Variants in USP14 observed in about 807,000 individuals in gnomAD.
USP14 encodes ubiquitin specific peptidase 14.
A neutral mutation model predicts 76.5 loss-of-function variants in USP14; 38 were observed. The observed-to-expected ratio is 0.50, with a 90% CI of 0.38 to 0.65. USP14 has a LOEUF of 0.65. Ranked by LOEUF, USP14 falls within the 30% of genes least tolerant of loss-of-function variation. The pLI is 0.00. For missense variants in USP14, 467 were observed against 586.5 expected, an observed-to-expected ratio of 0.80 and a Z score of 2.10; for synonymous variants, 192 against 191.7, an observed-to-expected ratio of 1.00 and a Z score of -0.01.
intron 3 of USP14, among the ~76,000 whole-genome samples, chr18:171,020 AAAAAAATATATATAT>A (rs1193502783): frequency 5.1e-4 from 47 of 91,438 alleles, no homozygotes; most frequent in African/African-American, 2.2e-3. Flanking sequence ...AAAAAAAAAA[AAAAAAATATATATAT>A]ATATATATAT....
At chr18:193,038 A>T (rs1910134085) in intron 6 of USP14, 138 bp downstream of exon 6, 1 of 493,830 alleles carries the variant, frequency 2.0e-6, no homozygotes, top group Non-Finnish European at 3.5e-6. Context: ...CTTAAGTTAA[A>T]CAACTTGGTA....
intron 7 of USP14, among the ~76,000 whole-genome samples, chr18:197,128 C>G (rs1910259105): frequency 6.6e-6 from 1 of 152,208 alleles, no homozygotes; most frequent in Admixed American, 6.5e-5. Flanking sequence ...TCCAGCTGCA[C>G]AGGCTTCCTT....
In USP14 at chr18:214,445, C is replaced by T. The variant is rs958315459; in HGVS notation, c.*3161C>T. ...CACTTCGTTTAGGTCATTATCTCAACCCAACCTCCCCAAACTCTGGTTTGA... is the reference window on the plus strand; with the variant it reads ...CACTTCGTTTAGGTCATTATCTCAATCCAACCTCCCCAAACTCTGGTTTGA... On this transcript the variant is annotated 3_prime_UTR_variant, in exon 16 of 16. Transcript: ENST00000261601. 3.5e-6 allele frequency: 2 copies of T among 569,830 alleles called. No individual in the cohort carries two copies. The highest frequency in any genetic ancestry group is 4.7e-4 in the Middle Eastern group (1 of 2,124). The allele number at this position is 569,830 out of a possible 1,614,324, so 35.3% of individuals were successfully genotyped here. A position where few individuals can be genotyped will look rare whatever the true frequency, so the allele number is the denominator to read the frequency against.
chr18:171,025 A>AAAAAAAATATATATATATATATATAT (rs1327304974), intron 3 of USP14, among the ~76,000 whole-genome samples: 1 of 47,682 alleles, frequency 2.1e-5, no homozygotes, highest in African/African-American at 8.7e-5. Flanking sequence ...AAAAAAAAAA[A>AAAAAAAATATATATATATATATATAT]ATATATATAT....
rs1339424264 is a variant in USP14, at chr18:212,167, ATATT to A, written c.*885_*888del. On this transcript the variant is annotated 3_prime_UTR_variant, in exon 16 of 16. Coordinates refer to ENST00000261601, the MANE Select transcript of USP14 (RefSeq NM_005151.4). ...TGTGCTGTTAAGCATCCATTTAAAA[ATATT>A]TGTTATCTTCTTTGCCTGCCTGTAT... 3 of 146,282 alleles carry A rather than the reference ATATT, an allele frequency of 2.1e-5. No individual in the cohort carries two copies. Among genetic ancestry groups the A allele is most frequent in the Admixed American group, 2.0e-4 (3 of 14,836 alleles). The allele number at this position is 146,282 out of a possible 1,614,324, so 9.1% of individuals were successfully genotyped here.
In USP14 at chr18:211,339, T is replaced by C; in HGVS notation, c.*55T>C. On this transcript the variant is annotated 3_prime_UTR_variant, in exon 16 of 16. Coordinates refer to ENST00000261601, the MANE Select transcript of USP14 (RefSeq NM_005151.4). ...GAAAATAAATGTTATTTGTTGATCA[T>C]TTCTATAATCCAGAGCTTTAGAGGA... 6.4e-7 allele frequency: 1 copy of C among 1,551,298 alleles called. No individual in the cohort carries two copies. The highest frequency in any genetic ancestry group is 8.8e-7 in the Non-Finnish European group (1 of 1,141,702).
intron 2 of USP14, among the ~76,000 whole-genome samples, chr18:165,876 G>A (rs1460093218): frequency 1.3e-5 from 2 of 151,892 alleles, no homozygotes; most frequent in Non-Finnish European, 2.9e-5. Context: ...ACCAATGAAG[G>A]GTAGACAAGC....
In USP14 at chr18:178,941, T is replaced by G; in HGVS notation, c.204T>G (p.Thr68=). 3.1e-6 allele frequency: 5 copies of G among 1,609,830 alleles called. No homozygotes were observed. The highest frequency in any genetic ancestry group is 4.2e-6 in the Non-Finnish European group (5 of 1,178,498). ...WGNIKIKNGM[T]LLMMGSADAL... is the part of the protein sequence containing the mutation. ...ACTTTTTTTAAAAACAGGGAATGAC[T>G]CTACTAATGATGGGGTCAGCAGATG... Residue 68 remains threonine, a synonymous_variant, in exon 4 of 16, where the codon ACT becomes ACG. Transcript: ENST00000261601.
intron 6 of USP14, 98 bp downstream of exon 6, chr18:192,998 C>A: frequency 1.0e-6 from 1 of 960,952 alleles, no homozygotes; most frequent in Non-Finnish European, 1.6e-6. Context: ...TGTAAAACAT[C>A]ACCTCATTAA....
At position 204,558 on chromosome 18, in the gene USP14, A is replaced by T. The variant is rs776074529; in HGVS notation, c.1036-6A>T. 1.9e-6 allele frequency: 3 copies of T among 1,588,830 alleles called. No homozygotes were observed. The highest frequency in any genetic ancestry group is 1.8e-5 in the Admixed American group (1 of 54,492). ...TTACACATGTTTTTTGTTTGTTTGTATATAGGATGTTAAATTTCCTCTTAT... is the reference window on the plus strand; with the variant it reads ...TTACACATGTTTTTTGTTTGTTTGTTTATAGGATGTTAAATTTCCTCTTAT... On this transcript the variant is annotated splice_region_variant and splice_polypyrimidine_tract_variant and intron_variant, in intron 12 of 15. Coordinates refer to ENST00000261601, the MANE Select transcript of USP14 (RefSeq NM_005151.4).
chr18:190,296 T>C (rs561309602), intron 5 of USP14, among the ~76,000 whole-genome samples: 1 of 152,334 alleles, frequency 6.6e-6, no homozygotes, highest in South Asian at 2.1e-4. Context: ...GTTGGGTATA[T>C]ATGAGTATGT....
At chr18:161,985 A>T (rs1183040049) in intron 1 of USP14, among the ~76,000 whole-genome samples, 1 of 152,176 alleles carries the variant, frequency 6.6e-6, no homozygotes, top group Non-Finnish European at 1.5e-5. Flanking sequence ...TCTTGCAAAC[A>T]CCATTCTCTT....
At chr18:191,562 G>C (rs906611506) in intron 5 of USP14, among the ~76,000 whole-genome samples, 4 of 152,144 alleles carry the variant, frequency 2.6e-5, no homozygotes, top group African/African-American at 9.7e-5. Context: ...TCTTGGGCAT[G>C]CCTTTTCTCA....
Position 177,332 on chromosome 18 carries a change from G to A in USP14, c.196-1601G>A, listed in dbSNP as rs781781535. Among the ~76,000 whole-genome samples the A allele has an allele frequency of 1.1e-4, 17 of 151,614 alleles. 1 individual carries two copies. The South Asian group carries it at 1.5e-3, about 13-fold the overall frequency. On this transcript the variant is annotated intron_variant, in intron 3 of 15. Transcript: ENST00000261601. ...AGCACTTTGGGAGGCTGAGATGGGG[G>A]GATCACTTGAGGCCAGAAGTGTGAG...
At chr18:177,629 C>T in intron 3 of USP14, among the ~76,000 whole-genome samples, 1 of 126,770 alleles carries the variant, frequency 7.9e-6, no homozygotes, top group African/African-American at 2.6e-5. Context: ...ATTTTTCCCT[C>T]CCTGTTTTTT....
At chr18:210,090 T>A (rs1412773446) in intron 14 of USP14, 59 bp downstream of exon 14, 1 of 1,316,480 alleles carries the variant, frequency 7.6e-7, no homozygotes, top group East Asian at 2.3e-5. Flanking sequence ...AAGGTAAAAT[T>A]TACATCTTAC....
intron 5 of USP14, among the ~76,000 whole-genome samples, chr18:184,277 A>C (rs974328726): frequency 3.3e-5 from 5 of 152,226 alleles, no homozygotes; most frequent in African/African-American, 1.2e-4. Flanking sequence ...GAGTGCACTT[A>C]CTAACGTAAT....
At position 169,360 on chromosome 18, in the gene USP14, C is replaced by CAAAA. The variant is rs11336218; in HGVS notation, c.195+2560_195+2563dup. Among the ~76,000 whole-genome samples the CAAAA allele has an allele frequency of 4.0e-3, 320 of 79,336 alleles. 1 individual carries two copies. The highest frequency in any genetic ancestry group is 0.015 in the African/African-American group (301 of 20,710). 52.0% of individuals were successfully genotyped at this position (79,336 alleles called of 152,430 possible). ...TGGGCAACAGAGCAAGACTCTACCT[C>CAAAA]AAAAAAAAAAAAAAAAAAAAAAGAG... On this transcript the variant is annotated intron_variant, in intron 3 of 15. Transcript: ENST00000261601.
chr18:207,919 G>A (rs1219933931), intron 13 of USP14, among the ~76,000 whole-genome samples: 1 of 151,932 alleles, frequency 6.6e-6, no homozygotes, highest in Non-Finnish European at 1.5e-5. Flanking sequence ...AATTAACTTT[G>A]TATATGGATC....
Sources: gnomAD v4.1 joint callset for allele counts (sites outside exome capture counted in the v4.1 genomes callset) on GRCh38, gnomAD v4.1.1 for gene constraint, MANE v1.5 for transcripts, NCBI Gene and HGNC (gene_info 2026-07-23, HGNC 2026-07-21) for gene names.